Variants in UVRAG observed in about 807,000 individuals in gnomAD.
UVRAG encodes the protein UV radiation resistance-associated gene protein.
UVRAG carries 19 observed loss-of-function variants against 78.0 expected under a neutral mutation model. The observed-to-expected ratio is 0.24, with a 90% CI of 0.17 to 0.36. The LOEUF is 0.36. Ranked by LOEUF, UVRAG falls within the 10% of genes least tolerant of loss-of-function variation. The pLI is 1.00. For synonymous variants in UVRAG, 323 were observed against 324.6 expected, an observed-to-expected ratio of 1.00 and a Z score of 0.05; for missense variants, 740 against 853.8, an observed-to-expected ratio of 0.87 and a Z score of 1.66.
intron 14 of UVRAG, among the ~76,000 whole-genome samples, chr11:76,135,182 T>A (rs1358588768): frequency 2.0e-5 from 3 of 152,182 alleles, no homozygotes; most frequent in Non-Finnish European, 4.4e-5. Flanking sequence ...AGCACTGATA[T>A]AACTAATAAA....
Position 75,820,458 on chromosome 11 carries a change from G to A in UVRAG, c.117+4934G>A, listed in dbSNP as rs955755320. Among the ~76,000 whole-genome samples, 87 of 151,674 alleles carry A rather than the reference G, an allele frequency of 5.7e-4. 1 individual carries two copies. The highest frequency in any genetic ancestry group is 5.6e-3 in the Admixed American group (85 of 15,206). ...CAACCTCCGCCTTTCAGGTTCAAGC[G>A]ATTCTCCTGCCTCAGCCTCCTGAGT... On this transcript the variant is annotated intron_variant, in intron 1 of 14. Transcript: ENST00000356136.
chr11:76,083,708 A>C (rs1160381473), intron 13 of UVRAG, among the ~76,000 whole-genome samples: 1 of 152,156 alleles, frequency 6.6e-6, no homozygotes, highest in Non-Finnish European at 1.5e-5. Flanking sequence ...TTTTTTTTAG[A>C]TTTAGTTCAT....
chr11:76,119,710 C>G (rs1170041927), intron 14 of UVRAG, among the ~76,000 whole-genome samples: 16 of 152,176 alleles, frequency 1.1e-4, no homozygotes, highest in Admixed American at 1.0e-3. Flanking sequence ...TGTTCACTTC[C>G]CATCTCTGCT....
At chr11:75,984,727 T>C (rs557043100) in intron 8 of UVRAG, among the ~76,000 whole-genome samples, 1 of 152,358 alleles carries the variant, frequency 6.6e-6, no homozygotes, top group South Asian at 2.1e-4. Context: ...TTTTGAACTT[T>C]ATAGAAATAG....
Position 75,974,199 on chromosome 11 carries a change from G to A in UVRAG, c.700-9188G>A, listed in dbSNP as rs146679548. On this transcript the variant is annotated intron_variant, in intron 7 of 14. Transcript: ENST00000356136. The stretch of plus-strand genomic sequence containing the variant: ...TGTAAAAGCGTTCCTATTTCTCCAC[G>A]TCCTCTCCAGCACCTCTTGTTTCCT... Among the ~76,000 whole-genome samples the A allele has an allele frequency of 8.5e-3, 1,285 of 152,034 alleles. 23 individuals are homozygous for A. Among genetic ancestry groups the A allele is most frequent in the African/African-American group, 0.029 (1,217 of 41,448 alleles).
At chr11:76,050,662 C>T (rs1167291513) in intron 12 of UVRAG, among the ~76,000 whole-genome samples, 2 of 152,154 alleles carry the variant, frequency 1.3e-5, no homozygotes, top group African/African-American at 4.8e-5. Flanking sequence ...GGAAATCAAG[C>T]ATACCGTTAA....
chr11:75,840,127 G>T (rs1945878901), intron 1 of UVRAG, among the ~76,000 whole-genome samples: 1 of 151,518 alleles, frequency 6.6e-6, no homozygotes, highest in African/African-American at 2.4e-5. Context: ...TTTCTTCATT[G>T]GTCTTATATT....
At chr11:76,089,506 C>T (rs906545328) in intron 13 of UVRAG, among the ~76,000 whole-genome samples, 14 of 152,180 alleles carry the variant, frequency 9.2e-5, no homozygotes, top group African/African-American at 1.7e-4. Context: ...GAATGCATGA[C>T]GCGATGCCAT....
chr11:76,004,004 G>A lies in UVRAG; in HGVS notation c.827-1G>A. The A allele has an allele frequency of 6.2e-7, 1 of 1,613,282 alleles. No individual in the cohort carries two copies. The highest frequency in any genetic ancestry group is 8.5e-7 in the Non-Finnish European group (1 of 1,179,642). On this transcript the variant is annotated splice_acceptor_variant, in intron 8 of 14. Coordinates refer to ENST00000356136, the MANE Select transcript of UVRAG (RefSeq NM_003369.4). LOFTEE classifies it high-confidence loss of function. ...AATTATCTCCTTCCTTTTCTTTCTA[G>A]GAAGTGCATTTTCAGCTGAGCACCT... is the stretch of plus-strand genomic sequence containing the variant.
At chr11:75,856,529 C>T (rs1472001065) in intron 2 of UVRAG, among the ~76,000 whole-genome samples, 1 of 152,040 alleles carries the variant, frequency 6.6e-6, no homozygotes, top group Non-Finnish European at 1.5e-5. Flanking sequence ...ACTATAGCCT[C>T]AACCTTTTGG....
At chr11:76,011,932 T>TA (rs1265719398) in intron 11 of UVRAG, among the ~76,000 whole-genome samples, 1 of 152,186 alleles carries the variant, frequency 6.6e-6, no homozygotes, top group East Asian at 1.9e-4. Flanking sequence ...AGGAAAACTT[T>TA]TATAGAGAAG....
chr11:76,105,362 G>A (rs1328776917), intron 13 of UVRAG, among the ~76,000 whole-genome samples: 2 of 151,710 alleles, frequency 1.3e-5, no homozygotes, highest in Non-Finnish European at 2.9e-5. Context: ...CTGTGTTTCT[G>A]CCACTGCACT....
At chr11:76,043,093 A>G (rs1052194799) in intron 12 of UVRAG, among the ~76,000 whole-genome samples, 8 of 152,250 alleles carry the variant, frequency 5.3e-5, no homozygotes, top group Middle Eastern at 3.2e-3. Flanking sequence ...GTAAACAAAG[A>G]AGGCTCACTT....
chr11:76,124,305 G>T (rs76757857), intron 14 of UVRAG, among the ~76,000 whole-genome samples: 1 of 152,218 alleles, frequency 6.6e-6, no homozygotes, highest in Non-Finnish European at 1.5e-5. Flanking sequence ...ATTCAAAAGT[G>T]TAAGATTTTC....
intron 14 of UVRAG, among the ~76,000 whole-genome samples, chr11:76,135,496 C>T (rs576084265): frequency 6.6e-6 from 1 of 151,918 alleles, no homozygotes; most frequent in African/African-American, 2.4e-5. Flanking sequence ...CCAGGAAATA[C>T]TTTTTTACTT....
intron 6 of UVRAG, among the ~76,000 whole-genome samples, chr11:75,912,645 G>A (rs72999567): frequency 0.045 from 6,802 of 152,206 alleles, 220 homozygotes; most frequent in East Asian, 0.17. Flanking sequence ...TCCAAATAAA[G>A]TTAACAGCAA....
intron 6 of UVRAG, among the ~76,000 whole-genome samples, chr11:75,960,299 A>T (rs146133125): frequency 5.1e-4 from 78 of 151,818 alleles, no homozygotes; most frequent in Non-Finnish European, 8.5e-4. Flanking sequence ...AATATAATTG[A>T]TTTTTTTGTG....
At chr11:76,042,798 T>C (rs966257330) in intron 12 of UVRAG, among the ~76,000 whole-genome samples, 2 of 152,178 alleles carry the variant, frequency 1.3e-5, no homozygotes, top group African/African-American at 4.8e-5. Context: ...ATAAAAAGTT[T>C]ATATATTAAA....
At chr11:75,954,621 G>C (rs1480334952) in intron 6 of UVRAG, among the ~76,000 whole-genome samples, 1 of 152,158 alleles carries the variant, frequency 6.6e-6, no homozygotes, top group African/African-American at 2.4e-5. Flanking sequence ...CAAATTTTGG[G>C]ACTGTGCTTT....
Sources: allele counts gnomAD v4.1 joint callset (sites outside exome capture counted in the v4.1 genomes callset), GRCh38; gene constraint gnomAD v4.1.1; transcripts MANE v1.5; gene names NCBI Gene and HGNC (gene_info 2026-07-23, HGNC 2026-07-21).